The following PIR variants were observed in gnomAD, a reference collection of about 807,000 sequenced individuals.
The protein encoded by PIR is pirin (iron-binding nuclear protein).
Under a neutral mutation model 24.2 loss-of-function variants are expected in PIR, and 22 were observed. The observed-to-expected ratio is 0.91, with a 90% CI of 0.65 to 1.30. The LOEUF is 1.30. Among genes scored for constraint, PIR ranks in the 50% most tolerant of loss-of-function variants. The pLI, the probability that PIR is intolerant of heterozygous loss-of-function variation, is 0.00. For synonymous variants in PIR, 80 were observed against 79.6 expected, an observed-to-expected ratio of 1.00 and a Z score of -0.03; for missense variants, 220 against 220.3, an observed-to-expected ratio of 1.00 and a Z score of 0.01.
intron 9 of PIR, among the ~76,000 whole-genome samples, chrX:15,386,296 AG>A (rs1923746699): frequency 1.8e-5 from 2 of 112,551 alleles, no homozygotes; most frequent in Admixed American, 1.9e-4. Context: ...AATCTTCAGA[AG>A]GAAGACACAG....
At chrX:15,488,322 G>GAAAGAAAA (rs1922978982) in intron 2 of PIR, among the ~76,000 whole-genome samples, 1 of 84,874 alleles carries the variant, frequency 1.2e-5, no homozygotes, top group Non-Finnish European at 2.3e-5. Context: ...AAAAGAAAAA[G>GAAAGAAAA]AAAGAAAAGT....
chrX:15,396,743 C>CT lies in PIR; in HGVS notation c.693+705dup, dbSNP rs3842704. On this transcript the variant is annotated intron_variant, in intron 8 of 9. Transcript: ENST00000380420. ...TTCCTCTCAGTTCAAAGTGGGGATTCTTTTTTTTTTTTTTTTGAGACGGAG... is the reference window on the plus strand; with the variant it reads ...TTCCTCTCAGTTCAAAGTGGGGATTCTTTTTTTTTTTTTTTTTGAGACGGAG... Among the ~76,000 whole-genome samples the CT allele has an allele frequency of 9.0e-3, 933 of 103,094 alleles. 13 individuals are homozygous for CT. The highest frequency in any genetic ancestry group is 0.028 in the African/African-American group (769 of 27,427). The allele number at this position is 103,094 out of a possible 115,157, so 89.5% of individuals were successfully genotyped here. A position where few individuals can be genotyped will look rare whatever the true frequency, so the allele number is the denominator to read the frequency against.
rs149058681 is a variant in PIR, at chrX:15,404,986, C to T, written c.610+2520G>A. On this transcript the variant is annotated intron_variant, in intron 7 of 9. Transcript: ENST00000380420. ...TGTGGCCCATGGTCACGAGGGGGGACCAGGTCAGTAAATAGAAATGACTCA... is the reference window on the plus strand; with the variant it reads ...TGTGGCCCATGGTCACGAGGGGGGATCAGGTCAGTAAATAGAAATGACTCA... Among the ~76,000 whole-genome samples, 594 of 111,039 alleles carry T rather than the reference C, an allele frequency of 5.3e-3. 5 individuals carry two copies. Among genetic ancestry groups the T allele is most frequent in the African/African-American group, 0.018 (551 of 30,434 alleles).
chrX:15,482,406 C>T (rs183128254), intron 2 of PIR, among the ~76,000 whole-genome samples: 110 of 111,403 alleles, frequency 9.9e-4, no homozygotes, highest in African/African-American at 3.5e-3. Context: ...AGATTCCCTT[C>T]ATAAGGTTAA....
chrX:15,442,014 C>A (rs770209511), intron 5 of PIR, among the ~76,000 whole-genome samples: 1 of 110,780 alleles, frequency 9.0e-6, no homozygotes, highest in Admixed American at 9.6e-5. Flanking sequence ...GAAAGAAAGA[C>A]GTACAGGCAT....
intron 7 of PIR, among the ~76,000 whole-genome samples, chrX:15,402,844 C>G (rs777197201): frequency 5.8e-4 from 65 of 111,969 alleles, no homozygotes; most frequent in African/African-American, 2.1e-3. Flanking sequence ...AAAGCATCTG[C>G]CTTAGTTGTT....
At chrX:15,463,344 T>C (rs1055288944) in intron 3 of PIR, among the ~76,000 whole-genome samples, 2 of 112,300 alleles carry the variant, frequency 1.8e-5, no homozygotes, top group Non-Finnish European at 3.8e-5. Flanking sequence ...TTATTATGCC[T>C]CCTAATACCT....
intron 3 of PIR, 49 bp downstream of exon 3, chrX:15,479,680 G>T (rs1208336118): frequency 1.7e-6 from 1 of 576,521 alleles, no homozygotes; most frequent in South Asian, 4.0e-5. Flanking sequence ...TTAGAAGAAA[G>T]AGGTATGTTT....
intron 5 of PIR, among the ~76,000 whole-genome samples, chrX:15,436,732 T>G (rs1465238499): frequency 2.7e-5 from 3 of 112,630 alleles, no homozygotes; most frequent in African/African-American, 9.7e-5. Context: ...TAAAATATTT[T>G]TAAGAGTTCT....
intron 5 of PIR, among the ~76,000 whole-genome samples, chrX:15,446,473 G>GA (rs1184029918): frequency 6.0e-4 from 65 of 107,502 alleles, no homozygotes; most frequent in African/African-American, 1.6e-3. Context: ...TGAGCTCAAA[G>GA]AAAAAAAAAA....
At chrX:15,461,030 G>T (rs1921277992) in intron 3 of PIR, among the ~76,000 whole-genome samples, 1 of 111,833 alleles carries the variant, frequency 8.9e-6, no homozygotes, top group Admixed American at 9.5e-5. Context: ...ATCTCACCTA[G>T]GTGCCCCTTC....
intron 2 of PIR, among the ~76,000 whole-genome samples, chrX:15,480,263 G>C (rs1922433160): frequency 9.0e-6 from 1 of 110,770 alleles, no homozygotes; most frequent in South Asian, 3.9e-4. Flanking sequence ...CAGCCACATG[G>C]AGCTGTTTGA....
intron 5 of PIR, among the ~76,000 whole-genome samples, chrX:15,427,852 T>C (rs1460589758): frequency 9.2e-6 from 1 of 108,785 alleles, no homozygotes; most frequent in Non-Finnish European, 1.9e-5. Context: ...TATGTGTGTG[T>C]ATGTATACAT....
At chrX:15,418,136 T>A (rs755033548) in intron 6 of PIR, among the ~76,000 whole-genome samples, 2 of 111,789 alleles carry the variant, frequency 1.8e-5, no homozygotes, top group African/African-American at 6.5e-5. Flanking sequence ...ATCAAGTTTT[T>A]TCCATAACAG....
intron 8 of PIR, among the ~76,000 whole-genome samples, chrX:15,393,897 A>G (rs1432125326): frequency 9.3e-6 from 1 of 107,724 alleles, no homozygotes; most frequent in Admixed American, 1.0e-4. Flanking sequence ...TACTGATTCT[A>G]CATTATGGTG....
chrX:15,389,993 A>T lies in PIR; in HGVS notation c.760+192T>A, dbSNP rs1923902119. 4 of 279,853 alleles carry T rather than the reference A, an allele frequency of 1.4e-5. No homozygotes were observed. In the East Asian group the frequency reaches 1.6e-4, roughly 11 times the overall value. The allele number at this position is 279,853 out of a possible 1,213,427, so 23.1% of individuals were successfully genotyped here. A position where few individuals can be genotyped will look rare whatever the true frequency, so the allele number is the denominator to read the frequency against. ...TAGGTATCTAAGAAATGTTTCTTTA[A>T]AAAAAAAGAGATGAATAAACATCAC... is the stretch of plus-strand genomic sequence containing the variant. On this transcript the variant is annotated intron_variant, in intron 9 of 9. Coordinates refer to ENST00000380420, the MANE Select transcript of PIR (RefSeq NM_001018109.3).
chrX:15,467,356 C>T (rs190779094), intron 3 of PIR, among the ~76,000 whole-genome samples: 7 of 112,564 alleles, frequency 6.2e-5, no homozygotes, highest in Admixed American at 9.4e-5. Flanking sequence ...TTGCCAGTAA[C>T]GTATGTGCTG....
In PIR at chrX:15,413,413, T is replaced by G. The variant is rs547374852; in HGVS notation, c.566-5863A>C. On this transcript the variant is annotated intron_variant, in intron 6 of 9. Transcript: ENST00000380420. Reference sequence around the variant, plus strand: ...TTTTGCGACGTCTCCCAAAACGTCCTCATCAAGAACCTCATGGCATTAAGG... The same window carrying G: ...TTTTGCGACGTCTCCCAAAACGTCCGCATCAAGAACCTCATGGCATTAAGG... Among the ~76,000 whole-genome samples, 8 of 111,493 alleles carry G rather than the reference T, an allele frequency of 7.2e-5. No homozygotes were observed. In the South Asian group the frequency reaches 2.6e-3, roughly 37 times the overall value.
chrX:15,448,587 C>T (rs946985556), intron 5 of PIR, among the ~76,000 whole-genome samples: 2 of 112,062 alleles, frequency 1.8e-5, no homozygotes, highest in African/African-American at 6.5e-5. Context: ...TGGCCTTAGG[C>T]AAAATCCAGA....
Sources: gnomAD v4.1 joint callset for allele counts (sites outside exome capture counted in the v4.1 genomes callset) on GRCh38, gnomAD v4.1.1 for gene constraint, MANE v1.5 for transcripts, NCBI Gene and HGNC (gene_info 2026-07-23, HGNC 2026-07-21) for gene names.